KCNT2: variants seen among roughly 807,000 people sequenced by gnomAD.
KCNT2 encodes potassium channel subfamily T member 2.
KCNT2 carries 67 observed loss-of-function variants against 153.8 expected under a neutral mutation model. That is an observed-to-expected ratio of 0.44 (90% CI 0.36 to 0.53). The LOEUF (loss-of-function observed/expected upper bound fraction) is 0.53, where lower values mean the gene tolerates loss of function less well. Among genes scored for constraint, KCNT2 ranks in the 20% least tolerant of loss-of-function variants. The pLI, the probability that KCNT2 is intolerant of heterozygous loss-of-function variation, is 0.00. For missense variants in KCNT2, 975 were observed against 1,354.8 expected (o/e 0.72, Z 4.40); for synonymous variants, 500 against 458.8 (o/e 1.09, Z -1.15).
intron 5 of KCNT2, among the ~76,000 whole-genome samples, chr1:196,471,609 A>G (rs1557979235): frequency 6.6e-6 from 1 of 152,084 alleles, no homozygotes; most frequent in Non-Finnish European, 1.5e-5. Flanking sequence ...GGGTTATGGG[A>G]CCAGTTGCTG....
At chr1:196,571,375 C>G (rs552007637) in intron 1 of KCNT2, among the ~76,000 whole-genome samples, 43 of 152,036 alleles carry the variant, frequency 2.8e-4, no homozygotes, top group Non-Finnish European at 5.4e-4. Context: ...AGAGGTAAGG[C>G]TATCTTCAGA....
intron 26 of KCNT2, among the ~76,000 whole-genome samples, chr1:196,251,877 A>T (rs1656004665): frequency 1.3e-5 from 2 of 151,848 alleles, no homozygotes; most frequent in South Asian, 4.1e-4. Flanking sequence ...GTAAATATAT[A>T]CACCTAGTAT....
intron 26 of KCNT2, among the ~76,000 whole-genome samples, chr1:196,247,065 C>T (rs1160634792): frequency 2.0e-5 from 3 of 151,674 alleles, no homozygotes; most frequent in African/African-American, 7.3e-5. Context: ...TAAAGACACA[C>T]ATAGACTGAA....
intron 26 of KCNT2, among the ~76,000 whole-genome samples, chr1:196,255,899 T>C (rs949637169): frequency 6.6e-6 from 1 of 151,872 alleles, no homozygotes; most frequent in African/African-American, 2.4e-5. Flanking sequence ...TATCAGAAAA[T>C]ATTAACAATT....
intron 13 of KCNT2, among the ~76,000 whole-genome samples, chr1:196,379,280 A>C (rs1350379406): frequency 1.3e-5 from 2 of 152,004 alleles, no homozygotes; most frequent in Non-Finnish European, 2.9e-5. Flanking sequence ...CTATTTAAAA[A>C]TTATATGTGG....
chr1:196,504,330 C>T (rs1198746551), intron 1 of KCNT2, among the ~76,000 whole-genome samples: 14 of 149,136 alleles, frequency 9.4e-5, no homozygotes, highest in Non-Finnish European at 1.6e-4. Context: ...TGAGAACATG[C>T]GGTGTTTGGT....
At chr1:196,375,802 T>A (rs1038838329) in intron 13 of KCNT2, among the ~76,000 whole-genome samples, 2 of 151,788 alleles carry the variant, frequency 1.3e-5, no homozygotes, top group Non-Finnish European at 2.9e-5. Flanking sequence ...GATAAATAAG[T>A]TAATATATAA....
chr1:196,284,796 TG>T (rs763023488), intron 23 of KCNT2, among the ~76,000 whole-genome samples: 16 of 152,196 alleles, frequency 1.1e-4, no homozygotes, highest in Non-Finnish European at 1.8e-4. Flanking sequence ...GGCATAATCA[TG>T]GGCAAAATTA....
At position 196,485,810 on chromosome 1, in the gene KCNT2, A is replaced by T. The variant is rs185825098; in HGVS notation, c.276-3431T>A. On this transcript the variant is annotated intron_variant, in intron 3 of 27. Coordinates refer to ENST00000294725, the MANE Select transcript of KCNT2 (RefSeq NM_198503.5). Reference sequence around the variant, plus strand: ...CTCCTTCATAAAATGAATTTATCATAAAAAAAAAGAATGTGGGATCTAATC... The same window carrying T: ...CTCCTTCATAAAATGAATTTATCATTAAAAAAAAGAATGTGGGATCTAATC... 8.6e-5 allele frequency among the ~76,000 whole-genome samples: 13 copies of T among 151,184 alleles called. No individual in the cohort carries two copies. The East Asian group carries it at 1.5e-3, about 18-fold the overall frequency.
chr1:196,541,243 G>A (rs1217789843), intron 1 of KCNT2, among the ~76,000 whole-genome samples: 2 of 151,566 alleles, frequency 1.3e-5, no homozygotes, highest in African/African-American at 4.8e-5. Context: ...CAGTAAATAT[G>A]TTTTAAATCA....
At chr1:196,451,913 A>T (rs1234645711) in intron 8 of KCNT2, among the ~76,000 whole-genome samples, 1 of 151,896 alleles carries the variant, frequency 6.6e-6, no homozygotes, top group African/African-American at 2.4e-5. Context: ...GAATGCTATT[A>T]CACTTTTCCT....
intron 1 of KCNT2, among the ~76,000 whole-genome samples, chr1:196,578,719 G>A (rs773868007): frequency 6.6e-6 from 1 of 152,022 alleles, no homozygotes; most frequent in Admixed American, 6.6e-5. Flanking sequence ...ATTGGCATTC[G>A]GGATTTGGAT....
chr1:196,462,822 C>T (rs1343460165), intron 8 of KCNT2, among the ~76,000 whole-genome samples: 1 of 151,590 alleles, frequency 6.6e-6, no homozygotes, highest in Non-Finnish European at 1.5e-5. Context: ...TACCAAGAGA[C>T]TTCTTTTTAT....
intron 1 of KCNT2, among the ~76,000 whole-genome samples, chr1:196,581,937 A>C (rs2148978019): frequency 1.3e-5 from 2 of 152,226 alleles, no homozygotes; most frequent in Admixed American, 6.5e-5. Flanking sequence ...CATTTCAGGA[A>C]AATTATGTCT....
intron 22 of KCNT2, among the ~76,000 whole-genome samples, chr1:196,288,519 G>A (rs529980838): frequency 1.3e-5 from 2 of 152,058 alleles, no homozygotes; most frequent in African/African-American, 2.4e-5. Flanking sequence ...AATGGCTTGT[G>A]AATGAGGAGG....
In KCNT2 at chr1:196,226,024, CA is replaced by C. The variant is rs1653465639; in HGVS notation, c.*2199del. The C allele has an allele frequency of 6.6e-6, 1 of 151,976 alleles. No individual in the cohort carries two copies. Among genetic ancestry groups the C allele is most frequent in the South Asian group, 2.1e-4 (1 of 4,822 alleles). The allele number at this position is 151,976 out of a possible 1,614,324, so 9.4% of individuals were successfully genotyped here. The stretch of plus-strand genomic sequence containing the variant: ...GACTAATAAATTATCATTATTGTAG[CA>C]AGCTGGTATGAACTGTGTCAAATAT... On this transcript the variant is annotated 3_prime_UTR_variant, in exon 28 of 28. Transcript: ENST00000294725.
At chr1:196,396,721 A>G (rs1215392552) in intron 13 of KCNT2, among the ~76,000 whole-genome samples, 4 of 151,672 alleles carry the variant, frequency 2.6e-5, no homozygotes, top group Non-Finnish European at 5.9e-5. Flanking sequence ...CAAAATGAGA[A>G]ATATTGAGAT....
chr1:196,466,872 T>C (rs1468654203), intron 7 of KCNT2, among the ~76,000 whole-genome samples: 1 of 152,048 alleles, frequency 6.6e-6, no homozygotes, highest in Non-Finnish European at 1.5e-5. Flanking sequence ...GTTTGGGTCA[T>C]AGTTATAAAC....
At chr1:196,495,106 T>A (rs1312014207) in intron 1 of KCNT2, among the ~76,000 whole-genome samples, 2 of 152,150 alleles carry the variant, frequency 1.3e-5, no homozygotes, top group Non-Finnish European at 2.9e-5. Flanking sequence ...TCTCTCTGAG[T>A]CAATATAATC....
Sources: gnomAD v4.1 joint callset for allele counts (sites outside exome capture counted in the v4.1 genomes callset) on GRCh38, gnomAD v4.1.1 for gene constraint, MANE v1.5 for transcripts, NCBI Gene and HGNC (gene_info 2026-07-23, HGNC 2026-07-21) for gene names.